Variants in PITRM1 observed in about 807,000 individuals in gnomAD.
The protein encoded by PITRM1 is presequence protease, mitochondrial.
A neutral mutation model predicts 129.9 loss-of-function variants in PITRM1; 100 were observed. That is an observed-to-expected ratio of 0.77 (90% CI 0.65 to 0.91). The LOEUF (loss-of-function observed/expected upper bound fraction) is 0.91, where lower values mean the gene tolerates loss of function less well. Among genes scored for constraint, PITRM1 ranks in the 40% least tolerant of loss-of-function variants. The pLI, the probability that PITRM1 is intolerant of heterozygous loss-of-function variation, is 0.00. For missense variants in PITRM1, 1,471 were observed against 1,318.3 expected, an observed-to-expected ratio of 1.12 and a Z score of -1.79; for synonymous variants, 591 against 508.8, an observed-to-expected ratio of 1.16 and a Z score of -2.17.
At chr10:3,160,122 G>C in intron 8 of PITRM1, 82 bp downstream of exon 8, 1 of 1,441,644 alleles carries the variant, frequency 6.9e-7, no homozygotes, top group South Asian at 1.2e-5. Flanking sequence ...GACAGCATCT[G>C]AAATCCCATC....
chr10:3,154,294 C>A lies in PITRM1; in HGVS notation c.1621+1297G>T, dbSNP rs540542526. Among the ~76,000 whole-genome samples the A allele has an allele frequency of 2.0e-5, 3 of 152,186 alleles. No individual in the cohort carries two copies. In the South Asian group the frequency reaches 6.2e-4, roughly 32 times the overall value. ...GGTTGTTTCAAGCTTTGTGCGGACGCCTGTTTTCATTTCTCTTGAAGGAAC... is the reference window on the plus strand; with the variant it reads ...GGTTGTTTCAAGCTTTGTGCGGACGACTGTTTTCATTTCTCTTGAAGGAAC... On this transcript the variant is annotated intron_variant, in intron 14 of 26. Transcript: ENST00000224949.
intron 13 of PITRM1, among the ~76,000 whole-genome samples, chr10:3,156,171 C>T (rs896480413): frequency 6.6e-6 from 1 of 152,178 alleles, no homozygotes; most frequent in Non-Finnish European, 1.5e-5. Flanking sequence ...CTACATTTCC[C>T]ATTCAATACT....
At position 3,147,554 on chromosome 10, in the gene PITRM1, T is replaced by A. The variant is rs531597526; in HGVS notation, c.2235+18A>T. 3.5e-4 allele frequency: 565 copies of A among 1,612,944 alleles called. 9 individuals carry two copies. In the East Asian group the frequency reaches 0.013, roughly 36 times the overall value. ...GTGGCTAAACCGGAGTAATAGAGGT[T>A]CCTTCCAAGCTTCCCACCTGATCCA... On this transcript the variant is annotated intron_variant, in intron 19 of 26. Coordinates refer to ENST00000224949, the MANE Select transcript of PITRM1 (RefSeq NM_014889.4).
chr10:3,154,671 G>A (rs1369235794), intron 14 of PITRM1, among the ~76,000 whole-genome samples: 2 of 152,070 alleles, frequency 1.3e-5, no homozygotes, highest in Non-Finnish European at 2.9e-5. Context: ...GTGTTAATTG[G>A]GTTGTGTGTT....
chr10:3,147,945 T>C (rs765463313), intron 18 of PITRM1, 42 bp downstream of exon 18: 12 of 1,446,852 alleles, frequency 8.3e-6, no homozygotes, highest in Non-Finnish European at 8.8e-6. Context: ...CAAAGATCTC[T>C]AGTACACCCC....
intron 12 of PITRM1, 47 bp downstream of exon 12, chr10:3,157,388 A>C: frequency 8.6e-7 from 1 of 1,167,630 alleles, no homozygotes; most frequent in Non-Finnish European, 1.2e-6. Context: ...TAACAAGACA[A>C]AATGTCTATT....
At chr10:3,148,932 G>C (rs543209828) in intron 16 of PITRM1, 1 of 152,328 alleles carries the variant, frequency 6.6e-6, no homozygotes, top group Non-Finnish European at 1.5e-5. Context: ...TTTTCCATCT[G>C]AGCGGACCCT....
At chr10:3,143,530 C>T (rs1463550505) in intron 22 of PITRM1, 29 bp from the exon 23 acceptor site, 1 of 1,500,138 alleles carries the variant, frequency 6.7e-7, no homozygotes, top group Non-Finnish European at 9.3e-7. Context: ...TCAGAGGCGG[C>T]TGTGCTGCCA....
intron 7 of PITRM1, chr10:3,163,247 C>T (rs1407327943): frequency 6.6e-6 from 1 of 152,116 alleles, no homozygotes; most frequent in East Asian, 1.9e-4. Flanking sequence ...AGATATATGA[C>T]TATATTATTA....
intron 2 of PITRM1, among the ~76,000 whole-genome samples, chr10:3,168,915 TACACACACACACACACAC>T (rs61366911): frequency 0.2 from 28,500 of 142,662 alleles, 3,416 homozygotes; most frequent in Non-Finnish European, 0.28. Context: ...AGTTTCCATC[TACACACACACACACACAC>T]ACACACACAC....
chr10:3,152,256 C>T (rs570231002), intron 14 of PITRM1, among the ~76,000 whole-genome samples: 19 of 152,300 alleles, frequency 1.2e-4, no homozygotes, highest in African/African-American at 3.1e-4. Context: ...GCGTGCTCCC[C>T]GCCCTGATGG....
intron 8 of PITRM1, 92 bp downstream of exon 8, chr10:3,160,112 G>T: frequency 7.2e-7 from 1 of 1,389,046 alleles, no homozygotes; most frequent in Non-Finnish European, 1.0e-6. Flanking sequence ...TACCAAACAT[G>T]ACAGCATCTG....
intron 6 of PITRM1, 156 bp from the exon 7 acceptor site, chr10:3,164,041 A>C: frequency 1.5e-5 from 6 of 395,716 alleles, no homozygotes; most frequent in South Asian, 8.4e-5. Flanking sequence ...AAAAAAAAAC[A>C]CCCACGCAGG....
At chr10:3,157,661 G>C (rs892629562) in intron 11 of PITRM1, 130 bp from the exon 12 acceptor site, 1 of 620,136 alleles carries the variant, frequency 1.6e-6, no homozygotes, top group East Asian at 2.8e-5. Flanking sequence ...GGGCAACACA[G>C]AGAAAGCCCA....
Position 3,149,625 on chromosome 10 carries a change from T to C in PITRM1, c.1867A>G (p.Thr623Ala), listed in dbSNP as rs1287575191. 3.2e-6 allele frequency: 5 copies of C among 1,562,954 alleles called. No homozygotes were observed. The highest frequency in any genetic ancestry group is 4.3e-6 in the Non-Finnish European group (5 of 1,158,210). The change falls in exon 16 of 27, where the codon ACC (threonine) becomes GCC (alanine). Residue 623 changes from threonine (T) to alanine (A), a missense_variant. Physicochemically the swap from Thr to Ala is moderately conservative, Grantham distance 58 (BLOSUM62 0). Transcript: ENST00000224949. ...AGGGTATGTTGCGACTCGTACTTGG[T>C]GAGGACGCTGCAGAAGAGGGGCACA... ...PYVPLFCSVL[T>A]KLGCGLLDYR...
chr10:3,172,531 G>A (rs941779148), intron 1 of PITRM1, among the ~76,000 whole-genome samples, 186 bp downstream of exon 1: 10 of 152,270 alleles, frequency 6.6e-5, no homozygotes, highest in South Asian at 4.1e-4. Flanking sequence ...AAGGAGCTCC[G>A]AGGTCCTCCG....
chr10:3,143,962 G>A (rs2131829101), intron 22 of PITRM1: 1 of 521,066 alleles, frequency 1.9e-6, no homozygotes, highest in Non-Finnish European at 3.5e-6. Flanking sequence ...CATCGACTCA[G>A]CTCGGGAGCT....
rs1241549045 is a variant in PITRM1 at position 3,138,139 on chromosome 10, G to A, written c.3021-15C>T. On this transcript the variant is annotated splice_polypyrimidine_tract_variant and intron_variant, in intron 26 of 26. Transcript: ENST00000224949. Reference sequence around the variant, plus strand: ...TGCCGAGGTATCTGAGAGGAAGGCAGGCGTGGTCAGCAAGGACTGGCTTCT... The same window carrying A: ...TGCCGAGGTATCTGAGAGGAAGGCAAGCGTGGTCAGCAAGGACTGGCTTCT... 1 of 1,596,842 alleles carries A rather than the reference G, an allele frequency of 6.3e-7. No homozygotes were observed. The highest frequency in any genetic ancestry group is 1.1e-5 in the South Asian group (1 of 89,716).
intron 1 of PITRM1, chr10:3,172,213 T>C (rs549668813): frequency 2.2e-6 from 1 of 457,134 alleles, no homozygotes. Context: ...TGGATTACCA[T>C]GAACACTAAA....
Sources: allele counts gnomAD v4.1 joint callset (sites outside exome capture counted in the v4.1 genomes callset), GRCh38; gene constraint gnomAD v4.1.1; transcripts MANE v1.5; gene names NCBI Gene and HGNC (gene_info 2026-07-23, HGNC 2026-07-21).